MEPE: variants seen among roughly 807,000 people sequenced by gnomAD.
MEPE encodes matrix, extracellular phosphoglycoprotein with ASARM motif (bone).
A neutral mutation model predicts 7.3 loss-of-function variants in MEPE; 7 were observed. The observed-to-expected ratio is 0.95, with a 90% CI of 0.54 to 1.79. The LOEUF is 1.79. MEPE is among the 40% of genes most tolerant of loss of function. MEPE has a pLI of 0.00. For missense variants in MEPE, 623 were observed against 628.2 expected, an observed-to-expected ratio of 0.99 and a Z score of 0.09; for synonymous variants, 214 against 213.1, an observed-to-expected ratio of 1.00 and a Z score of -0.04.
intron 1 of MEPE, among the ~76,000 whole-genome samples, chr4:87,824,398 G>A (rs1379129956): frequency 2.0e-5 from 3 of 152,220 alleles, no homozygotes; most frequent in African/African-American, 7.2e-5. Flanking sequence ...ACTTCTTGCT[G>A]TGCCTAGGTC....
At chr4:87,832,785 T>C (rs1363689408), upstream of MEPE, 1 of 152,206 alleles carries the variant, frequency 6.6e-6, no homozygotes, top group Non-Finnish European at 1.5e-5. Flanking sequence ...TTATCCCACT[T>C]TCTGGAACAT....
At chr4:87,823,937 A>G (rs1451543796) in intron 1 of MEPE, among the ~76,000 whole-genome samples, 3 of 152,198 alleles carry the variant, frequency 2.0e-5, no homozygotes, top group Non-Finnish European at 4.4e-5. Context: ...AGTGGGTTAG[A>G]AACTCATTAA....
intron 1 of MEPE, among the ~76,000 whole-genome samples, chr4:87,822,160 T>C (rs1341121773): frequency 6.6e-6 from 1 of 152,174 alleles, no homozygotes; most frequent in Non-Finnish European, 1.5e-5. Flanking sequence ...TGAAATGGAT[T>C]TCCTTCTTGG....
upstream of MEPE, among the ~76,000 whole-genome samples, chr4:87,828,847 C>T (rs188179233): frequency 1.3e-5 from 2 of 152,220 alleles, no homozygotes; most frequent in East Asian, 1.9e-4. Flanking sequence ...GAACCAGGAA[C>T]GAGGAACCAG....
At chr4:87,826,143 T>A (rs1722458213) in intron 1 of MEPE, among the ~76,000 whole-genome samples, 1 of 152,168 alleles carries the variant, frequency 6.6e-6, no homozygotes, top group African/African-American at 2.4e-5. Flanking sequence ...CACATTCATG[T>A]CTTTGCTATT....
In MEPE at chr4:87,827,598, G is replaced by A. The variant is rs186715635; in HGVS notation, c.-13+6127G>A. ...AGGGTAAGAGATATTTTCCTCTTGA[G>A]GTCACACAACAAAGTTTTGCAGCCA... On this transcript the variant is annotated intron_variant, in intron 1 of 3. Coordinates refer to the MEPE transcript ENST00000424957. 1.1e-4 allele frequency among the ~76,000 whole-genome samples: 16 copies of A among 152,220 alleles called. No homozygotes were observed. The East Asian group carries it at 2.5e-3, about 24-fold the overall frequency.
chr4:87,846,366 A>G lies in MEPE; in HGVS notation c.1498A>G (p.Arg500Gly), dbSNP rs1457000409. The G allele has an allele frequency of 3.7e-6, 6 of 1,613,950 alleles. No individual in the cohort carries two copies. Among genetic ancestry groups the G allele is most frequent in the Non-Finnish European group, 5.1e-6 (6 of 1,179,958 alleles). ...GSWGRQPHSN[R>G]RFSSRRRDDS... The stretch of plus-strand genomic sequence containing the variant: ...CTGGGGTAGACAACCCCATTCCAAC[A>G]GGAGGTTTAGTTCCCGTAGAAGGGA... The change falls in exon 4 of 4, where the codon AGG becomes GGG. Residue 500 changes from arginine (R) to glycine (G), a missense_variant. Coordinates refer to ENST00000361056, the MANE Select transcript of MEPE (RefSeq NM_020203.6).
At chr4:87,833,049 C>A (rs1233828505) in intron 1 of MEPE, 35 bp downstream of exon 1, 1 of 152,114 alleles carries the variant, frequency 6.6e-6, no homozygotes, top group African/African-American at 2.4e-5. Flanking sequence ...CAGCAAATAG[C>A]TTTATATCAT....
At chr4:87,840,463 A>C (rs1722972664) in intron 3 of MEPE, among the ~76,000 whole-genome samples, 1 of 152,216 alleles carries the variant, frequency 6.6e-6, no homozygotes, top group Non-Finnish European at 1.5e-5. Context: ...TCTGCCATCG[A>C]TATCCTTTAG....
rs754267889 is a variant in MEPE at position 87,846,011 on chromosome 4, GA to G, written c.1147del (p.Arg383GlufsTer29). The G allele has an allele frequency of 2.5e-5, 41 of 1,613,798 alleles. No homozygotes were observed. The highest frequency in any genetic ancestry group is 3.1e-5 in the Non-Finnish European group (37 of 1,179,942). On this transcript the variant is annotated frameshift_variant, in exon 4 of 4. Coordinates refer to ENST00000361056, the MANE Select transcript of MEPE (RefSeq NM_020203.6). LOFTEE classifies it low-confidence loss of function (END_TRUNC). ...ATTACCCTCCTGCACCCTCAAAAGA[GA>G]AAAGAAAAGAAGGCAGTAGTGATGC... ...FHYPPAPSKE[K>X]RKEGSSDAAE...
chr4:87,845,285 A>T lies in MEPE; in HGVS notation c.417A>T (p.Gln139His), dbSNP rs1275297235. The T allele has an allele frequency of 6.2e-7, 1 of 1,613,974 alleles. No individual in the cohort carries two copies. Among genetic ancestry groups the T allele is most frequent in the African/African-American group, 1.3e-5 (1 of 74,920 alleles). Residue 139 changes from glutamine to histidine, a missense_variant, in exon 4 of 4, where the codon CAA becomes CAT. Coordinates refer to ENST00000361056, the MANE Select transcript of MEPE (RefSeq NM_020203.6). ...ATGCTATCAGCAAACTACATGACCA[A>T]GAAGAATATGGCGCAGCTCTCATCA... The part of the protein sequence containing the change: ...GDDAISKLHD[Q>H]EEYGAALIRN...
rs764568886 is a variant in MEPE, at chr4:87,838,659, A to C, written c.82A>C (p.Lys28Gln). Residue 28 changes from lysine (K) to glutamine (Q), a missense_variant, in exon 3 of 4, where the codon AAG (lysine) becomes CAG (glutamine). Physicochemically the swap from Lys to Gln is moderately conservative, Grantham distance 53. Coordinates refer to ENST00000361056, the MANE Select transcript of MEPE (RefSeq NM_020203.6). ...ATTTCAACCACAGACTGAGAAAACT[A>C]AGCAAAGCTGTGTGGAAGAGCAGAG... ...PTFQPQTEKT[K>Q]QSCVEEQRQE... The C allele has an allele frequency of 1.1e-5, 17 of 1,613,558 alleles. No individual in the cohort carries two copies. The Admixed American group carries it at 1.7e-4, about 16-fold the overall frequency.
upstream of MEPE, among the ~76,000 whole-genome samples, chr4:87,829,904 C>G (rs1391258848): frequency 1.6e-5 from 2 of 126,216 alleles, no homozygotes; most frequent in African/African-American, 6.2e-5. Context: ...AAATTCTGGT[C>G]ATGGATACTG....
In MEPE at chr4:87,845,952, A is replaced by T; in HGVS notation, c.1084A>T (p.Ser362Cys). The change falls in exon 4 of 4, where the codon AGC (serine) becomes TGC (cysteine). Residue 362 changes from serine (S) to cysteine (C), a missense_variant. By Grantham distance (112) the Ser-to-Cys change is moderately radical. Coordinates refer to ENST00000361056, the MANE Select transcript of MEPE (RefSeq NM_020203.6). ...GREGNRVDAG[S>C]QNAHQGKVEF... ...AGAAGGAAACAGAGTGGATGCTGGC[A>T]GCCAAAATGCTCACCAAGGGAAGGT... The T allele has an allele frequency of 6.2e-7, 1 of 1,614,038 alleles. No homozygotes were observed. Among genetic ancestry groups the T allele is most frequent in the Non-Finnish European group, 8.5e-7 (1 of 1,179,968 alleles).
At position 87,845,512 on chromosome 4, in the gene MEPE, G is replaced by A. The variant is rs755462303; in HGVS notation, c.644G>A (p.Arg215His). Residue 215 changes from arginine to histidine, a missense_variant, in exon 4 of 4, where the codon CGT becomes CAT. Coordinates refer to ENST00000361056, the MANE Select transcript of MEPE (RefSeq NM_020203.6). Reference protein sequence around the residue: ...KSPVKSKSTHRIQHNIDYLKH... With the variant: ...KSPVKSKSTHHIQHNIDYLKH... ...CCAGTAAAAAGCAAAAGCACCCATC[G>A]TATTCAACACAACATTGACTACCTA... is the stretch of plus-strand genomic sequence containing the variant. 8.1e-6 allele frequency: 13 copies of A among 1,612,922 alleles called. No individual in the cohort carries two copies. Among genetic ancestry groups the A allele is most frequent in the African/African-American group, 2.7e-5 (2 of 74,742 alleles).
At chr4:87,836,451 AC>A (rs1399261927) in intron 2 of MEPE, among the ~76,000 whole-genome samples, 1 of 151,950 alleles carries the variant, frequency 6.6e-6, no homozygotes, top group East Asian at 1.9e-4. Context: ...AAGATCCCTG[AC>A]ACCCCATACT....
chr4:87,830,631 T>C (rs1722573566), upstream of MEPE, among the ~76,000 whole-genome samples: 1 of 152,130 alleles, frequency 6.6e-6, no homozygotes, highest in Admixed American at 6.6e-5. Flanking sequence ...TATTGGGTAC[T>C]GAGCTTAATA....
At chr4:87,841,302 A>C (rs1269895180) in intron 3 of MEPE, among the ~76,000 whole-genome samples, 2 of 152,196 alleles carry the variant, frequency 1.3e-5, no homozygotes, top group Non-Finnish European at 2.9e-5. Flanking sequence ...GAAAACATAA[A>C]TGTCCAAGTA....
intron 1 of MEPE, among the ~76,000 whole-genome samples, chr4:87,826,047 A>G (rs533739414): frequency 6.6e-6 from 1 of 152,226 alleles, no homozygotes; most frequent in African/African-American, 2.4e-5. Flanking sequence ...ATAGTATTCC[A>G]TGGTGTACAC....
Sources: allele counts gnomAD v4.1 joint callset (sites outside exome capture counted in the v4.1 genomes callset), GRCh38; gene constraint gnomAD v4.1.1; transcripts MANE v1.5; gene names NCBI Gene and HGNC (gene_info 2026-07-23, HGNC 2026-07-21).